NAAA: variants seen among roughly 807,000 people sequenced by gnomAD.
NAAA encodes N-acylethanolamine acid amidase.
NAAA carries 39 observed loss-of-function variants against 44.8 expected under a neutral mutation model. That is an observed-to-expected ratio of 0.87 (90% CI 0.67 to 1.14). The LOEUF (loss-of-function observed/expected upper bound fraction) is 1.14. Ranked by LOEUF, NAAA falls within the 50% of genes most tolerant of loss-of-function variation. The pLI, the probability that NAAA is intolerant of heterozygous loss-of-function variation, is 0.00. For missense variants in NAAA, 460 were observed against 467.8 expected (o/e 0.98, Z 0.15); for synonymous variants, 178 against 191.3 (o/e 0.93, Z 0.58).
chr4:75,938,399 T>C (rs760072144), intron 2 of NAAA, among the ~76,000 whole-genome samples: 3 of 152,238 alleles, frequency 2.0e-5, no homozygotes, highest in Non-Finnish European at 4.4e-5. Context: ...TGATTTTTCA[T>C]TGAGAAAGCT....
At chr4:75,937,341 C>T (rs1748494967) in intron 2 of NAAA, among the ~76,000 whole-genome samples, 1 of 152,184 alleles carries the variant, frequency 6.6e-6, no homozygotes, top group Non-Finnish European at 1.5e-5. Context: ...ATCGCTTGAA[C>T]CAGGGAGGCG....
chr4:75,918,618 T>G (rs1725848755), intron 9 of NAAA, 143 bp downstream of exon 9: 3 of 683,292 alleles, frequency 4.4e-6, no homozygotes, highest in African/African-American at 1.8e-5. Context: ...TGCTCGCAGC[T>G]GTACCCACAG....
chr4:75,915,685 C>T (rs908631892), intron 9 of NAAA, among the ~76,000 whole-genome samples: 2 of 152,124 alleles, frequency 1.3e-5, no homozygotes, highest in Admixed American at 6.5e-5. Context: ...AGATTCCTTA[C>T]ACCATGCTTT....
chr4:75,919,869 C>A (rs1725984782), intron 8 of NAAA, 40 bp downstream of exon 8: 3 of 1,561,834 alleles, frequency 1.9e-6, no homozygotes, highest in African/African-American at 1.4e-5. Context: ...AACAAAACAC[C>A]AAACATCCTA....
At chr4:75,939,712 G>A (rs989362729) in intron 2 of NAAA, 6 of 367,752 alleles carry the variant, frequency 1.6e-5, no homozygotes, top group African/African-American at 1.2e-4. Context: ...AACGCGCCCG[G>A]CCTTTGAGCA....
At chr4:75,935,903 T>C (rs1410111882) in intron 3 of NAAA, 1 of 628,116 alleles carries the variant, frequency 1.6e-6, no homozygotes. Context: ...CCTCTTTAAG[T>C]AGACACTGAA....
At chr4:75,939,233 C>T (rs1653823469) in intron 2 of NAAA, among the ~76,000 whole-genome samples, 1 of 152,082 alleles carries the variant, frequency 6.6e-6, no homozygotes, top group South Asian at 2.1e-4. Context: ...GTCGCCCCAG[C>T]CCTGGTGGAC....
chr4:75,916,706 TG>T (rs1725651285), intron 9 of NAAA, among the ~76,000 whole-genome samples: 1 of 151,366 alleles, frequency 6.6e-6, no homozygotes, highest in Admixed American at 6.6e-5. Flanking sequence ...GCAGAGAAAA[TG>T]CTTTGTTTTA....
Position 75,925,824 on chromosome 4 carries a change from G to GTATATATGT in NAAA, c.590-22_590-14dup. 2 of 1,612,924 alleles carry GTATATATGT rather than the reference G, an allele frequency of 1.2e-6. No individual in the cohort carries two copies. The highest frequency in any genetic ancestry group is 1.7e-6 in the Non-Finnish European group (2 of 1,178,970). ...CACCAGCCTTTATCTGCCAAGTTGA[G>GTATATATGT]TATATATGTTATATATGTGTGTGTA... On this transcript the variant is annotated splice_polypyrimidine_tract_variant and intron_variant, in intron 4 of 10. Coordinates refer to ENST00000286733, the MANE Select transcript of NAAA (RefSeq NM_014435.4).
intron 6 of NAAA, 33 bp downstream of exon 6, chr4:75,920,918 T>C: frequency 1.2e-6 from 2 of 1,613,662 alleles, no homozygotes; most frequent in Non-Finnish European, 1.7e-6. Context: ...GATTATCTGA[T>C]ACAAAATGAC....
intron 3 of NAAA, among the ~76,000 whole-genome samples, chr4:75,934,482 ATT>A (rs373578792): frequency 0.21 from 28,559 of 135,450 alleles, 3,098 homozygotes; most frequent in East Asian, 0.34. Context: ...CGCCCAGCTA[ATT>A]TTTTTTTTTT....
intron 2 of NAAA, among the ~76,000 whole-genome samples, chr4:75,937,596 C>T (rs1727851531): frequency 6.6e-6 from 1 of 152,194 alleles, no homozygotes; most frequent in South Asian, 2.1e-4. Flanking sequence ...AGCGATCCTC[C>T]CACTTCAGCC....
chr4:75,940,332 G>C, intron 1 of NAAA, 167 bp from the exon 2 acceptor site: 1 of 678,902 alleles, frequency 1.5e-6, no homozygotes, highest in Admixed American at 3.0e-5. Flanking sequence ...GCAGCCTCCC[G>C]GGAGTGGGGG....
rs373373415 is a variant in NAAA at position 75,915,034 on chromosome 4, C to G, written c.999-49G>C. 1.0e-4 allele frequency: 139 copies of G among 1,370,056 alleles called. 2 individuals are homozygous for G. The Middle Eastern group carries it at 1.4e-3, about 14-fold the overall frequency. 84.9% of individuals were successfully genotyped at this position (1,370,056 alleles called of 1,614,324 possible). ...TGTACACATCATTTTCTCTAATATG[C>G]CAGAAAGGGAAGAAAATGACCAAGT... On this transcript the variant is annotated intron_variant, in intron 9 of 10. Transcript: ENST00000286733.
At chr4:75,935,351 TTC>T (rs1314169744) in intron 3 of NAAA, 1 of 152,236 alleles carries the variant, frequency 6.6e-6, no homozygotes, top group Non-Finnish European at 1.5e-5. Context: ...GCACTCTGTA[TTC>T]TGTTTTACAG....
intron 5 of NAAA, 122 bp downstream of exon 5, chr4:75,925,613 G>T: frequency 3.4e-6 from 3 of 876,170 alleles, no homozygotes; most frequent in Non-Finnish European, 5.5e-6. Flanking sequence ...GCACTTTGCA[G>T]ACATTTAGAT....
chr4:75,930,922 C>G (rs1347970740), intron 4 of NAAA, among the ~76,000 whole-genome samples: 2 of 152,214 alleles, frequency 1.3e-5, no homozygotes, highest in African/African-American at 4.8e-5. Context: ...TTCTGCAGAA[C>G]TAGCTCCCGG....
intron 4 of NAAA, among the ~76,000 whole-genome samples, chr4:75,930,889 A>G (rs918315200): frequency 2.6e-5 from 4 of 152,182 alleles, no homozygotes; most frequent in Non-Finnish European, 5.9e-5. Flanking sequence ...CGGTAAGACC[A>G]CCAGAAATGG....
chr4:75,921,966 C>G (rs1465019040), intron 5 of NAAA, among the ~76,000 whole-genome samples: 1 of 152,180 alleles, frequency 6.6e-6, no homozygotes, highest in African/African-American at 2.4e-5. Context: ...TAGAGCTGAT[C>G]TGCTCAAGAA....
Sources: allele counts gnomAD v4.1 joint callset (sites outside exome capture counted in the v4.1 genomes callset), GRCh38; gene constraint gnomAD v4.1.1; transcripts MANE v1.5; gene names NCBI Gene and HGNC (gene_info 2026-07-23, HGNC 2026-07-21).